Variants in TTC32 observed in about 807,000 individuals in gnomAD.
TTC32 encodes the protein tetratricopeptide repeat protein 32.
Under a neutral mutation model 15.3 loss-of-function variants are expected in TTC32, and 16 were observed. That is an observed-to-expected ratio of 1.05 (90% confidence interval 0.71 to 1.59). The LOEUF (loss-of-function observed/expected upper bound fraction) is 1.59, where lower values mean the gene tolerates loss of function less well. TTC32 is among the 40% of genes most tolerant of loss of function. The probability of loss-of-function intolerance (pLI) is 0.00; values close to 1 mark genes in which losing one functional copy is unlikely to be tolerated. For synonymous variants in TTC32, 89 were observed against 67.8 expected, an observed-to-expected ratio of 1.31 and a Z score of -1.53; for missense variants, 188 against 181.9, an observed-to-expected ratio of 1.03 and a Z score of -0.19.
chr2:19,900,546 C>T (rs1669583792), intron 1 of TTC32, among the ~76,000 whole-genome samples: 1 of 152,202 alleles, frequency 6.6e-6, no homozygotes, highest in Admixed American at 6.5e-5. Flanking sequence ...AGCTGTTCAA[C>T]CAACCCCTCT....
intron 1 of TTC32, among the ~76,000 whole-genome samples, chr2:19,899,370 G>T (rs957061252): frequency 6.6e-6 from 1 of 152,114 alleles, no homozygotes; most frequent in African/African-American, 2.4e-5. Context: ...TGCCAGTAAG[G>T]TTTTAGTCAT....
chr2:19,901,907 T>C lies in TTC32; in HGVS notation c.-53A>G. ...GAATGGGGGTTGACCTCCGAGCGGT[T>C]AGAGGTGGCACCACAAAGCCACTTC... On this transcript the variant is annotated 5_prime_UTR_variant, in exon 1 of 3. Coordinates refer to ENST00000333610, the MANE Select transcript of TTC32 (RefSeq NM_001008237.3). 6.2e-7 allele frequency: 1 copy of C among 1,604,524 alleles called. No homozygotes were observed. The highest frequency in any genetic ancestry group is 1.1e-5 in the South Asian group (1 of 89,952).
rs1304176566 is a variant in TTC32 at position 19,901,814 on chromosome 2, A to C, written c.41T>G (p.Leu14Arg). The C allele has an allele frequency of 1.2e-6, 2 of 1,613,914 alleles. No homozygotes were observed. Reference sequence around the variant, plus strand: ...TCCATTGTTGAAATGAGCCTGGGCGAGTGTTAGGGTTGCGTGGCTTTCTTG... The same window carrying C: ...TCCATTGTTGAAATGAGCCTGGGCGCGTGTTAGGGTTGCGTGGCTTTCTTG... The part of the protein sequence containing the change: ...QRQESHATLT[L>R]AQAHFNNGEY... The change falls in exon 1 of 3, where the codon CTC becomes CGC. Residue 14 changes from leucine to arginine, a missense_variant. Transcript: ENST00000333610.
intron 1 of TTC32, among the ~76,000 whole-genome samples, chr2:19,899,709 AT>A (rs940798300): frequency 2.0e-5 from 3 of 150,528 alleles, no homozygotes; most frequent in Admixed American, 1.3e-4. Flanking sequence ...GTGTATATAT[AT>A]TTTTTATATA....
chr2:19,901,505 G>A (rs2103368403), intron 1 of TTC32: 2 of 634,886 alleles, frequency 3.2e-6, no homozygotes, highest in Non-Finnish European at 5.1e-6. Flanking sequence ...TCACGGGTGG[G>A]CTTCTCCCCG....
rs1669614917 is a variant in TTC32 at position 19,901,907 on chromosome 2, T to G, written c.-53A>C. 2 of 1,604,522 alleles carry G rather than the reference T, an allele frequency of 1.2e-6. No homozygotes were observed. The highest frequency in any genetic ancestry group is 4.5e-5 in the East Asian group (2 of 44,632). Reference sequence around the variant, plus strand: ...GAATGGGGGTTGACCTCCGAGCGGTTAGAGGTGGCACCACAAAGCCACTTC... The same window carrying G: ...GAATGGGGGTTGACCTCCGAGCGGTGAGAGGTGGCACCACAAAGCCACTTC... On this transcript the variant is annotated 5_prime_UTR_variant, in exon 1 of 3. Coordinates refer to ENST00000333610, the MANE Select transcript of TTC32 (RefSeq NM_001008237.3).
chr2:19,901,573 C>T (rs1669604507), intron 1 of TTC32, 133 bp downstream of exon 1: 1 of 1,261,906 alleles, frequency 7.9e-7, no homozygotes, highest in Middle Eastern at 2.9e-4. Flanking sequence ...AGACGAACGT[C>T]CGCCCGCTCA....
intron 1 of TTC32, chr2:19,901,495 T>C (rs1347265874): frequency 4.9e-6 from 3 of 612,066 alleles, no homozygotes; most frequent in South Asian, 2.3e-5. Flanking sequence ...AGCTGGCTCC[T>C]CACGGGTGGG....
chr2:19,900,508 A>G (rs1165237646), intron 1 of TTC32, among the ~76,000 whole-genome samples: 1 of 152,194 alleles, frequency 6.6e-6, no homozygotes, highest in Non-Finnish European at 1.5e-5. Flanking sequence ...ACTCAAATCC[A>G]CAACAGACAA....
intron 1 of TTC32, among the ~76,000 whole-genome samples, chr2:19,899,960 T>C (rs1488864513): frequency 6.6e-6 from 1 of 152,196 alleles, no homozygotes; most frequent in Admixed American, 6.5e-5. Flanking sequence ...CTTGAGTTCC[T>C]AGAATTTTAT....
intron 1 of TTC32, chr2:19,901,436 G>A (rs1383125405): frequency 2.4e-6 from 1 of 413,124 alleles, no homozygotes; most frequent in Non-Finnish European, 4.2e-6. Context: ...CGCGCCCGAG[G>A]ATCGCGCAGA....
At chr2:19,900,626 C>T (rs1669584910) in intron 1 of TTC32, among the ~76,000 whole-genome samples, 1 of 152,190 alleles carries the variant, frequency 6.6e-6, no homozygotes. Context: ...GGAGTAAAAA[C>T]AAATGCTACA....
rs1285846307 is a variant in TTC32, at chr2:19,901,821, G to T, written c.34C>A (p.Leu12Ile). ...EGQRQESHAT[L>I]TLAQAHFNNG... is the part of the protein sequence containing the mutation. ...TTGAAATGAGCCTGGGCGAGTGTTA[G>T]GGTTGCGTGGCTTTCTTGCCGCTGT... The change falls in exon 1 of 3, where the codon CTA becomes ATA. Residue 12 changes from leucine to isoleucine, a missense_variant. Leu to Ile is a conservative substitution (Grantham distance 5). Coordinates refer to ENST00000333610, the MANE Select transcript of TTC32 (RefSeq NM_001008237.3). The T allele has an allele frequency of 1.2e-6, 2 of 1,614,066 alleles. No individual in the cohort carries two copies.
At position 19,898,383 on chromosome 2, in the gene TTC32, A is replaced by G. The variant is rs192079112; in HGVS notation, c.150-348T>C. ...AAAGAAGACAGAACAGATAAATACT[A>G]AGCAAAGAGGGAAAGCCAGCCCAAA... On this transcript the variant is annotated intron_variant, in intron 1 of 2. Transcript: ENST00000333610. 7 of 176,842 alleles carry G rather than the reference A, an allele frequency of 4.0e-5. No homozygotes were observed. The East Asian group carries it at 1.0e-3, about 26-fold the overall frequency. 11.0% of individuals were successfully genotyped at this position (176,842 alleles called of 1,614,324 possible).
At chr2:19,900,072 A>G (rs1015495547) in intron 1 of TTC32, among the ~76,000 whole-genome samples, 2 of 152,240 alleles carry the variant, frequency 1.3e-5, no homozygotes, top group Non-Finnish European at 2.9e-5. Flanking sequence ...CTACTGCGCT[A>G]TGACAAACTG....
intron 2 of TTC32, 92 bp downstream of exon 2, chr2:19,897,777 T>G (rs2103366397): frequency 9.2e-7 from 1 of 1,086,292 alleles, no homozygotes; most frequent in Non-Finnish European, 1.3e-6. Flanking sequence ...AACTTTAAAA[T>G]TTGATTACCA....
intron 1 of TTC32, chr2:19,901,122 G>T (rs1436907377): frequency 2.1e-6 from 1 of 470,016 alleles, no homozygotes; most frequent in South Asian, 1.6e-5. Context: ...AAACATCCAT[G>T]GATGAATACA....
chr2:19,897,023 T>G lies in TTC32; in HGVS notation c.420A>C (p.Glu140Asp). Reference sequence around the variant, plus strand: ...TTGCAACATTTCTTCTTTGTTTTTCTTCTTTGTCTAGAATAGTCTGTTTTA... The same window carrying G: ...TTGCAACATTTCTTCTTTGTTTTTCGTCTTTGTCTAGAATAGTCTGTTTTA... ...LSLKQTILDK[E>D]EKQRRNVAKN... Residue 140 changes from glutamate to aspartate, a missense_variant, in exon 3 of 3, where the codon GAA (glutamate) becomes GAC (aspartate). Transcript: ENST00000333610. 1 of 1,591,566 alleles carries G rather than the reference T, an allele frequency of 6.3e-7. No homozygotes were observed. The highest frequency in any genetic ancestry group is 1.4e-5 in the African/African-American group (1 of 73,866).
chr2:19,896,849 C>T lies in TTC32; in HGVS notation c.*138G>A. The T allele has an allele frequency of 1.3e-6, 1 of 780,386 alleles. No homozygotes were observed. The allele number at this position is 780,386 out of a possible 1,614,324, so 48.3% of individuals were successfully genotyped here. A position where few individuals can be genotyped will look rare whatever the true frequency, so the allele number is the denominator to read the frequency against. ...ACCCATTCAACCTGAAATTAACTAC[C>T]TTAAACACACTATTTAACTTTCAGT... On this transcript the variant is annotated 3_prime_UTR_variant, in exon 3 of 3. Coordinates refer to ENST00000333610, the MANE Select transcript of TTC32 (RefSeq NM_001008237.3).
Sources: allele counts gnomAD v4.1 joint callset (sites outside exome capture counted in the v4.1 genomes callset), GRCh38; gene constraint gnomAD v4.1.1; transcripts MANE v1.5; gene names NCBI Gene and HGNC (gene_info 2026-07-23, HGNC 2026-07-21).